Variants in SDC2 observed in about 807,000 individuals in gnomAD.
SDC2 encodes syndecan-2.
SDC2 carries 13 observed loss-of-function variants against 22.2 expected under a neutral mutation model. That is an observed-to-expected ratio of 0.59 (90% confidence interval 0.38 to 0.93). The LOEUF (loss-of-function observed/expected upper bound fraction) is 0.93, where lower values mean the gene tolerates loss of function less well. SDC2 is among the 40% of genes least tolerant of loss of function. The pLI is 0.00. For synonymous variants in SDC2, 94 were observed against 92.8 expected (o/e 1.01, Z -0.07); for missense variants, 235 against 246.8 (o/e 0.95, Z 0.32).
At chr8:96,536,395 A>G (rs906810128) in intron 1 of SDC2, among the ~76,000 whole-genome samples, 6 of 152,204 alleles carry the variant, frequency 3.9e-5, no homozygotes, top group African/African-American at 1.2e-4. Context: ...ACCTTTGCTC[A>G]CTGTAGCCTC....
intron 1 of SDC2, among the ~76,000 whole-genome samples, chr8:96,573,699 G>A (rs950698018): frequency 6.6e-6 from 1 of 151,944 alleles, no homozygotes; most frequent in East Asian, 1.9e-4. Flanking sequence ...CACAATTCCC[G>A]CCATAATTGG....
intron 1 of SDC2, among the ~76,000 whole-genome samples, chr8:96,543,226 A>G (rs1193136043): frequency 1.3e-5 from 2 of 152,208 alleles, no homozygotes; most frequent in African/African-American, 4.8e-5. Context: ...AGCTTCAGGT[A>G]TTTTATGGCT....
rs1586291185 is a variant in SDC2 at position 96,544,168 on chromosome 8, G to A, written c.61-49312G>A. On this transcript the variant is annotated intron_variant, in intron 1 of 4. Transcript: ENST00000302190. ...TGGTTTAATTTGATGTTGTCCTACA[G>A]TATTCCTTGTTAGGAAAAAAAAATA... is the stretch of plus-strand genomic sequence containing the variant. 2.6e-5 allele frequency among the ~76,000 whole-genome samples: 4 copies of A among 152,270 alleles called. No individual in the cohort carries two copies. The South Asian group carries it at 8.3e-4, about 32-fold the overall frequency.
chr8:96,505,593 C>T (rs1563640764), intron 1 of SDC2, among the ~76,000 whole-genome samples: 1 of 152,212 alleles, frequency 6.6e-6, no homozygotes. Flanking sequence ...AGCCACCGCG[C>T]CCGGCCTGGA....
chr8:96,540,161 GAAA>G (rs1173196477), intron 1 of SDC2, among the ~76,000 whole-genome samples: 58 of 147,862 alleles, frequency 3.9e-4, no homozygotes, highest in African/African-American at 1.4e-3. Context: ...GGAGAAGAAA[GAAA>G]AAAAAAAGCC....
At chr8:96,558,114 G>C (rs971275232) in intron 1 of SDC2, among the ~76,000 whole-genome samples, 1 of 152,082 alleles carries the variant, frequency 6.6e-6, no homozygotes. Context: ...TGGTTGAGAA[G>C]ATTATAAGTG....
intron 1 of SDC2, among the ~76,000 whole-genome samples, chr8:96,497,336 C>G (rs1021103035): frequency 1.3e-5 from 2 of 151,964 alleles, no homozygotes; most frequent in South Asian, 4.2e-4. Context: ...GGCTCTTTCT[C>G]TCTTAGTTGG....
rs555830003 is a variant in SDC2 at position 96,571,638 on chromosome 8, T to C, written c.61-21842T>C. 1.7e-4 allele frequency among the ~76,000 whole-genome samples: 26 copies of C among 152,308 alleles called. No homozygotes were observed. In the South Asian group the frequency reaches 5.2e-3, roughly 30 times the overall value. On this transcript the variant is annotated intron_variant, in intron 1 of 4. Coordinates refer to ENST00000302190, the MANE Select transcript of SDC2 (RefSeq NM_002998.4). ...GCCTTGCTTTCTAATTATTTGCTAATTGGTGGGTACCCTAAAGACAGCACC... is the reference window on the plus strand; with the variant it reads ...GCCTTGCTTTCTAATTATTTGCTAACTGGTGGGTACCCTAAAGACAGCACC...
At chr8:96,599,285 G>A (rs1424748894) in intron 2 of SDC2, among the ~76,000 whole-genome samples, 3 of 151,960 alleles carry the variant, frequency 2.0e-5, no homozygotes, top group African/African-American at 7.3e-5. Context: ...GATTTTCTAC[G>A]TTACAAATCT....
intron 1 of SDC2, among the ~76,000 whole-genome samples, chr8:96,512,120 G>A (rs1813337205): frequency 6.6e-6 from 1 of 152,150 alleles, no homozygotes; most frequent in Non-Finnish European, 1.5e-5. Flanking sequence ...GCCTGGAGGG[G>A]TAACATGTCA....
chr8:96,523,498 T>C (rs1050913065), intron 1 of SDC2, among the ~76,000 whole-genome samples: 1 of 152,176 alleles, frequency 6.6e-6, no homozygotes, highest in Non-Finnish European at 1.5e-5. Flanking sequence ...AACCTTTCAT[T>C]CTCGGCATTC....
intron 1 of SDC2, among the ~76,000 whole-genome samples, chr8:96,525,715 C>T (rs1554600546): frequency 6.6e-6 from 1 of 152,112 alleles, no homozygotes; most frequent in Non-Finnish European, 1.5e-5. Flanking sequence ...CTTTATTGAT[C>T]TCCGAGGGCA....
chr8:96,583,217 GCTGGGATTACAAGCATGAGTCA>G lies in SDC2; in HGVS notation c.61-10259_61-10238del, dbSNP rs1367000889. On this transcript the variant is annotated intron_variant, in intron 1 of 4. Transcript: ENST00000302190. ...TTCTCCAGCCTTGGCCTCCCAAAGTGCTGGGATTACAAGCATGAGTCACTGCACCCAGCTCATGACACTTGCT... is the reference window on the plus strand; with the variant it reads ...TTCTCCAGCCTTGGCCTCCCAAAGTGCTGCACCCAGCTCATGACACTTGCT... Among the ~76,000 whole-genome samples, 9 of 146,966 alleles carry G rather than the reference GCTGGGATTACAAGCATGAGTCA, an allele frequency of 6.1e-5. No individual in the cohort carries two copies. In the East Asian group the frequency reaches 1.8e-3, roughly 29 times the overall value.
At chr8:96,550,786 C>T (rs1370411333) in intron 1 of SDC2, among the ~76,000 whole-genome samples, 1 of 152,122 alleles carries the variant, frequency 6.6e-6, no homozygotes, top group East Asian at 1.9e-4. Flanking sequence ...GACCAGTGCC[C>T]TTTTGTGATT....
chr8:96,601,711 G>C lies in SDC2; in HGVS notation c.173-684G>C, dbSNP rs1814990690. Among the ~76,000 whole-genome samples the C allele has an allele frequency of 2.0e-5, 3 of 151,690 alleles. No individual in the cohort carries two copies. The South Asian group carries it at 6.3e-4, about 32-fold the overall frequency. ...GGGCAAGGAACTCACATGAAATAAG[G>C]AGTCAGCCATAGGAGAGTTTTCCTG... is the stretch of plus-strand genomic sequence containing the variant. On this transcript the variant is annotated intron_variant, in intron 2 of 4. Coordinates refer to ENST00000302190, the MANE Select transcript of SDC2 (RefSeq NM_002998.4).
At chr8:96,509,826 T>C (rs1813301832) in intron 1 of SDC2, among the ~76,000 whole-genome samples, 1 of 152,236 alleles carries the variant, frequency 6.6e-6, no homozygotes, top group Non-Finnish European at 1.5e-5. Context: ...CCAGGACTCA[T>C]CTGCTGCCTG....
intron 3 of SDC2, among the ~76,000 whole-genome samples, chr8:96,603,876 C>G (rs2130656132): frequency 6.6e-6 from 1 of 152,254 alleles, no homozygotes; most frequent in African/African-American, 2.4e-5. Flanking sequence ...AGAACTGAGA[C>G]CGACTCACCT....
chr8:96,590,567 A>G (rs1214672695), intron 1 of SDC2, among the ~76,000 whole-genome samples: 4 of 152,200 alleles, frequency 2.6e-5, no homozygotes, highest in Non-Finnish European at 5.9e-5. Context: ...TGTTCATTCC[A>G]GAAACCTTTC....
At chr8:96,597,459 C>T (rs1370226033) in intron 2 of SDC2, among the ~76,000 whole-genome samples, 2 of 152,194 alleles carry the variant, frequency 1.3e-5, no homozygotes, top group Non-Finnish European at 2.9e-5. Context: ...AGCTTCTAGT[C>T]CTCTTTTCGG....
Sources: gnomAD v4.1 joint callset for allele counts (sites outside exome capture counted in the v4.1 genomes callset) on GRCh38, gnomAD v4.1.1 for gene constraint, MANE v1.5 for transcripts, NCBI Gene and HGNC (gene_info 2026-07-23, HGNC 2026-07-21) for gene names.